Variants in PFKFB3 observed in about 807,000 individuals in gnomAD.
PFKFB3 encodes 6-phosphofructo-2-kinase/fructose-2,6-biphosphatase 3, also known as 6-phosphofructo-2-kinase/fructose-2,6-bisphosphatase 3.
In PFKFB3, 33 loss-of-function variants were observed where a neutral mutation model predicts 68.0. That is an observed-to-expected ratio of 0.49 (90% confidence interval 0.37 to 0.65). The LOEUF (loss-of-function observed/expected upper bound fraction) is 0.65, where lower values mean the gene tolerates loss of function less well. PFKFB3 is among the 30% of genes least tolerant of loss of function. The pLI, the probability that PFKFB3 is intolerant of heterozygous loss-of-function variation, is 0.00. For synonymous variants in PFKFB3, 315 were observed against 288.2 expected (o/e 1.09, Z -0.94); for missense variants, 586 against 712.2 (o/e 0.82, Z 2.02).
chr10:6,233,066 G>C lies in PFKFB3; in HGVS notation c.*124G>C, dbSNP rs564684755. On this transcript the variant is annotated 3_prime_UTR_variant, in exon 15 of 15. Transcript: ENST00000379775. Reference sequence around the variant, plus strand: ...GAGGGTGGGGTGGAGCAGCGGGGGAGCCTTGGCCGAAGAGAACCATGCTTG... The same window carrying C: ...GAGGGTGGGGTGGAGCAGCGGGGGACCCTTGGCCGAAGAGAACCATGCTTG... The C allele has an allele frequency of 2.8e-4, 217 of 773,882 alleles. 2 individuals carry two copies. The Admixed American group carries it at 4.0e-3, about 14-fold the overall frequency. The allele number at this position is 773,882 out of a possible 1,614,324, so 47.9% of individuals were successfully genotyped here.
intron 1 of PFKFB3, among the ~76,000 whole-genome samples, chr10:6,185,608 G>C (rs1031931026): frequency 6.8e-6 from 1 of 146,864 alleles, no homozygotes; most frequent in Non-Finnish European, 1.5e-5. Flanking sequence ...CCCTCACCCA[G>C]TTATACCAGA....
At chr10:6,191,977 G>A (rs1843035223) in intron 1 of PFKFB3, among the ~76,000 whole-genome samples, 1 of 151,168 alleles carries the variant, frequency 6.6e-6, no homozygotes, top group South Asian at 2.1e-4. Flanking sequence ...ATGAGCAAAA[G>A]CACTCTTGGT....
chr10:6,287,690 T>C, the PFKFB3 span, among the ~76,000 whole-genome samples: 1 of 152,144 alleles, frequency 6.6e-6, no homozygotes, highest in Non-Finnish European at 1.5e-5. Context: ...TATAGCAGAG[T>C]ACTCCCAGTT....
chr10:6,291,912 A>G, the PFKFB3 span, among the ~76,000 whole-genome samples: 9,349 of 143,038 alleles, frequency 0.065, 906 homozygotes, highest in East Asian at 0.43. Context: ...ACCTACATAC[A>G]CTGTTTAATG....
chr10:6,256,693 C>T (rs1456378845), downstream of PFKFB3, among the ~76,000 whole-genome samples: 5 of 152,216 alleles, frequency 3.3e-5, no homozygotes. Context: ...ATTTTGCAAT[C>T]CTGAAACTTC....
chr10:6,294,237 G>A, the PFKFB3 span: 1 of 530,226 alleles, frequency 1.9e-6, no homozygotes, highest in Non-Finnish European at 3.9e-6. Context: ...CAAAATTGCT[G>A]GGTTGGCAGG....
chr10:6,189,046 A>G (rs528230403), intron 1 of PFKFB3, among the ~76,000 whole-genome samples: 383 of 152,136 alleles, frequency 2.5e-3, no homozygotes, highest in Non-Finnish European at 3.1e-3. Flanking sequence ...TCACTGTGTT[A>G]GCCAGGATGG....
intron 1 of PFKFB3, among the ~76,000 whole-genome samples, chr10:6,206,851 G>A (rs58188072): frequency 4.5e-3 from 58 of 13,014 alleles, no homozygotes; most frequent in East Asian, 0.013. Flanking sequence ...GGTGGCGGCC[G>A]GGCAGAGACG....
intron 1 of PFKFB3, among the ~76,000 whole-genome samples, chr10:6,157,572 T>C (rs74229657): frequency 0.011 from 1,643 of 151,922 alleles, 67 homozygotes; most frequent in East Asian, 0.099. Context: ...GAACGTCATC[T>C]GTTTATAATA....
At chr10:6,198,528 G>A (rs1843236919), upstream of PFKFB3, among the ~76,000 whole-genome samples, 1 of 152,160 alleles carries the variant, frequency 6.6e-6, no homozygotes, top group Admixed American at 6.6e-5. Context: ...TGTCACTCAG[G>A]CTGGAGTGCA....
chr10:6,311,385 T>C, the PFKFB3 span, among the ~76,000 whole-genome samples: 5 of 152,114 alleles, frequency 3.3e-5, no homozygotes, highest in Non-Finnish European at 7.4e-5. Context: ...TCTCCCTAAT[T>C]CCTCCTTTTC....
the PFKFB3 span, among the ~76,000 whole-genome samples, chr10:6,312,393 A>G: frequency 1.3e-5 from 2 of 152,240 alleles, no homozygotes; most frequent in African/African-American, 2.4e-5. Context: ...CTCGGCTCCA[A>G]TCTTATCTGA....
rs1033370538 is a variant in PFKFB3, at chr10:6,215,160, G to T, written c.203-61G>T. The stretch of plus-strand genomic sequence containing the variant: ...TTCCTTTGGTCGATCCTATGGTCCC[G>T]GTGTGAGCTGGCCCCTTCCTCCTGC... On this transcript the variant is annotated intron_variant, in intron 2 of 14. Coordinates refer to ENST00000379775, the MANE Select transcript of PFKFB3 (RefSeq NM_004566.4). The surrounding 1 kb of genome is among the most constrained non-coding windows in gnomAD (Gnocchi z 4.3). The T allele has an allele frequency of 2.1e-6, 3 of 1,396,324 alleles. No individual in the cohort carries two copies. Among genetic ancestry groups the T allele is most frequent in the Non-Finnish European group, 2.0e-6 (2 of 984,554 alleles). The allele number at this position is 1,396,324 out of a possible 1,614,324, so 86.5% of individuals were successfully genotyped here.
intron 14 of PFKFB3, among the ~76,000 whole-genome samples, chr10:6,245,542 C>T (rs1285790439): frequency 2.6e-5 from 4 of 151,950 alleles, no homozygotes; most frequent in Non-Finnish European, 4.4e-5. Flanking sequence ...TCAGCCTCCC[C>T]CGTAGCTGGG....
In PFKFB3 at chr10:6,229,072, T is replaced by C. The variant is rs1184212531; in HGVS notation, c.1515+2707T>C. The C allele has an allele frequency of 5.7e-6, 3 of 523,944 alleles. No individual in the cohort carries two copies. The highest frequency in any genetic ancestry group is 1.2e-5 in the Non-Finnish European group (3 of 255,450). 32.5% of individuals were successfully genotyped at this position (523,944 alleles called of 1,614,324 possible). A position where few individuals can be genotyped will look rare whatever the true frequency, so the allele number is the denominator to read the frequency against. On this transcript the variant is annotated intron_variant, in intron 14 of 14. Coordinates refer to ENST00000379775, the MANE Select transcript of PFKFB3 (RefSeq NM_004566.4). The surrounding 1 kb of genome is among the most constrained non-coding windows in gnomAD (Gnocchi z 4.3). ...AAAACACACCCGCCCCTTTATTTCC[T>C]GTTTGCTCCTTAAGTTACCTTAACT...
chr10:6,317,849 A>G, the PFKFB3 span, among the ~76,000 whole-genome samples: 3 of 152,198 alleles, frequency 2.0e-5, no homozygotes, highest in Admixed American at 6.5e-5. Flanking sequence ...GGAGGGGCAG[A>G]CAGAAGACGC....
chr10:6,195,844 T>C (rs1486407077), intron 1 of PFKFB3, among the ~76,000 whole-genome samples: 1 of 152,178 alleles, frequency 6.6e-6, no homozygotes, highest in Non-Finnish European at 1.5e-5. Context: ...CATTTTCCAT[T>C]CACTTATTCT....
At chr10:6,222,089 C>T (rs558325325) in intron 10 of PFKFB3, among the ~76,000 whole-genome samples, 7 of 152,196 alleles carry the variant, frequency 4.6e-5, no homozygotes, top group East Asian at 3.9e-4. Context: ...GCACGGTGCC[C>T]GGGTGGCTGT....
At chr10:6,267,526 C>A in the PFKFB3 span, among the ~76,000 whole-genome samples, 2 of 152,146 alleles carry the variant, frequency 1.3e-5, no homozygotes. Flanking sequence ...ACAGAAAGTG[C>A]GGTGTCTCGG....
Sources: allele counts gnomAD v4.1 joint callset (sites outside exome capture counted in the v4.1 genomes callset), GRCh38; gene constraint gnomAD v4.1.1; non-coding constraint Gnocchi (gnomAD v3.1); transcripts MANE v1.5; gene names NCBI Gene and HGNC (gene_info 2026-07-23, HGNC 2026-07-21).